Variants in TPTE observed in about 807,000 individuals in gnomAD.
The protein encoded by TPTE is putative tyrosine-protein phosphatase TPTE.
TPTE carries 59 observed loss-of-function variants against 84.1 expected under a neutral mutation model. The ratio of observed to expected loss-of-function variants is 0.70; its 90% CI spans 0.57 to 0.87. The LOEUF is 0.87. Ranked by LOEUF, TPTE falls within the 40% of genes least tolerant of loss-of-function variation. TPTE has a pLI of 0.00. For missense variants in TPTE, 382 were observed against 659.6 expected (o/e 0.58, Z 4.61); for synonymous variants, 130 against 223.5 (o/e 0.58, Z 3.73).
rs369304862 is a variant in TPTE, at chr21:10,570,469, T to A, written c.731-16T>A. On this transcript the variant is annotated splice_polypyrimidine_tract_variant and intron_variant, in intron 13 of 23. Coordinates refer to ENST00000618007, the MANE Select transcript of TPTE (RefSeq NM_199261.4). ...TCTATAATAATGTTTGTAATAGTGA[T>A]GATTTTGACTTTTAGAACGTATTAT... 1.2e-6 allele frequency: 2 copies of A among 1,614,154 alleles called. No individual in the cohort carries two copies. Among genetic ancestry groups the A allele is most frequent in the Admixed American group, 1.7e-5 (1 of 60,032 alleles).
intron 21 of TPTE, among the ~76,000 whole-genome samples, chr21:10,598,756 CAGAA>C (rs2075636688): frequency 6.6e-6 from 1 of 152,306 alleles, no homozygotes; most frequent in African/African-American, 2.4e-5. Context: ...TTTTCTGAAA[CAGAA>C]AGCATCTTTC....
chr21:10,600,410 A>AT (rs2075667283), intron 21 of TPTE, among the ~76,000 whole-genome samples: 1 of 152,310 alleles, frequency 6.6e-6, no homozygotes, highest in South Asian at 2.1e-4. Context: ...AAGTGCTAGG[A>AT]TTACAGGCTT....
intron 4 of TPTE, among the ~76,000 whole-genome samples, chr21:10,539,245 G>A (rs1329361972): frequency 4.6e-5 from 7 of 152,308 alleles, no homozygotes; most frequent in African/African-American, 1.4e-4. Flanking sequence ...GAAGCCCTGG[G>A]CAGAAAAGAA....
intron 18 of TPTE, 144 bp downstream of exon 18, chr21:10,590,667 T>C: frequency 7.2e-7 from 1 of 1,383,240 alleles, no homozygotes; most frequent in South Asian, 1.4e-5. Flanking sequence ...AGAAAGTCTG[T>C]TTTTGATACT....
At chr21:10,542,554 TCCA>T in intron 6 of TPTE, 106 bp downstream of exon 6, 1 of 1,387,434 alleles carries the variant, frequency 7.2e-7, no homozygotes, top group African/African-American at 1.5e-5. Flanking sequence ...CATCCATCCA[TCCA>T]TCCATTCATC....
intron 2 of TPTE, among the ~76,000 whole-genome samples, chr21:10,525,929 G>A (rs2074070329): frequency 6.6e-6 from 1 of 152,310 alleles, no homozygotes; most frequent in African/African-American, 2.4e-5. Flanking sequence ...ACCTGAATCT[G>A]GAGTAATTTG....
chr21:10,552,203 A>G (rs1392059782), intron 7 of TPTE, among the ~76,000 whole-genome samples: 1 of 152,310 alleles, frequency 6.6e-6, no homozygotes, highest in African/African-American at 2.4e-5. Flanking sequence ...TGCAAACTTA[A>G]CAGGCTACAT....
chr21:10,549,449 C>T (rs1405831432), intron 7 of TPTE, among the ~76,000 whole-genome samples: 1 of 152,298 alleles, frequency 6.6e-6, no homozygotes. Flanking sequence ...TACAGATAGA[C>T]AAGTCAATGA....
chr21:10,603,379 G>A (rs1978827156), intron 22 of TPTE, among the ~76,000 whole-genome samples, 183 bp from the exon 23 acceptor site: 1 of 152,312 alleles, frequency 6.6e-6, no homozygotes, highest in South Asian at 2.1e-4. Context: ...GAATGCAGTA[G>A]CATTTTCTTA....
At chr21:10,522,169 C>A (rs1191121800) in intron 1 of TPTE, among the ~76,000 whole-genome samples, 1 of 152,296 alleles carries the variant, frequency 6.6e-6, no homozygotes, top group Non-Finnish European at 1.5e-5. Flanking sequence ...GACCTGAGTT[C>A]CCCGTGTCTG....
intron 8 of TPTE, among the ~76,000 whole-genome samples, chr21:10,556,852 G>A (rs1379257553): frequency 6.6e-6 from 1 of 152,298 alleles, no homozygotes; most frequent in Non-Finnish European, 1.5e-5. Flanking sequence ...TTTGAGAAGT[G>A]TCTGTTCATA....
chr21:10,535,925 A>G (rs1269359810), intron 3 of TPTE, among the ~76,000 whole-genome samples: 6 of 152,308 alleles, frequency 3.9e-5, no homozygotes, highest in Non-Finnish European at 8.8e-5. Context: ...GGACTTAGGA[A>G]TCAAGAATTT....
rs12627229 is a variant in TPTE, at chr21:10,599,016, A to G, written c.1356+922A>G. On this transcript the variant is annotated intron_variant, in intron 21 of 23. Transcript: ENST00000618007. Reference sequence around the variant, plus strand: ...TTTGTTCATTTACTCATAACAACTCATAACAGCCAATTATGAGCACCCGCT... The same window carrying G: ...TTTGTTCATTTACTCATAACAACTCGTAACAGCCAATTATGAGCACCCGCT... 1.5e-3 allele frequency among the ~76,000 whole-genome samples: 225 copies of G among 151,532 alleles called. No individual in the cohort carries two copies. In the East Asian group the frequency reaches 0.042, roughly 28 times the overall value.
intron 3 of TPTE, among the ~76,000 whole-genome samples, chr21:10,537,316 C>G (rs1314974408): frequency 6.6e-6 from 1 of 152,306 alleles, no homozygotes; most frequent in African/African-American, 2.4e-5. Context: ...TATTTAAATT[C>G]TGTAGCACTG....
At chr21:10,599,516 G>A (rs1171734665) in intron 21 of TPTE, among the ~76,000 whole-genome samples, 1 of 152,310 alleles carries the variant, frequency 6.6e-6, no homozygotes, top group Non-Finnish European at 1.5e-5. Flanking sequence ...CACATCTCAA[G>A]TGTAATGGGA....
At chr21:10,542,684 A>T (rs2074392906) in intron 6 of TPTE, among the ~76,000 whole-genome samples, 1 of 152,308 alleles carries the variant, frequency 6.6e-6, no homozygotes, top group Non-Finnish European at 1.5e-5. Context: ...TAGACCAAAG[A>T]GAAAGGAGAC....
At chr21:10,541,874 G>A (rs2074376326) in intron 5 of TPTE, among the ~76,000 whole-genome samples, 1 of 152,312 alleles carries the variant, frequency 6.6e-6, no homozygotes, top group African/African-American at 2.4e-5. Context: ...GAGCCTTGGA[G>A]GTGTTCACCA....
chr21:10,548,756 G>A (rs946211053), intron 7 of TPTE, among the ~76,000 whole-genome samples: 3 of 152,310 alleles, frequency 2.0e-5, no homozygotes, highest in African/African-American at 7.2e-5. Context: ...GGCCAGATGA[G>A]CAGCTGTGTA....
chr21:10,548,111 C>T (rs1257884836), intron 7 of TPTE, among the ~76,000 whole-genome samples: 11 of 152,302 alleles, frequency 7.2e-5, no homozygotes, highest in Non-Finnish European at 1.6e-4. Context: ...CCAGCAGGCA[C>T]ACCACCGAGT....
Sources: gnomAD v4.1 joint callset for allele counts (sites outside exome capture counted in the v4.1 genomes callset) on GRCh38, gnomAD v4.1.1 for gene constraint, MANE v1.5 for transcripts, NCBI Gene and HGNC (gene_info 2026-07-23, HGNC 2026-07-21) for gene names.